SCUBE2: variants seen among roughly 807,000 people sequenced by gnomAD.
The protein encoded by SCUBE2 is signal peptide, CUB domain and EGF like domain containing 2.
In SCUBE2, 114 loss-of-function variants were observed where a neutral mutation model predicts 125.9. The observed-to-expected ratio is 0.91, with a 90% CI of 0.78 to 1.06. The LOEUF (loss-of-function observed/expected upper bound fraction) is 1.06. SCUBE2 is among the 50% of genes least tolerant of loss of function. The pLI, the probability that SCUBE2 is intolerant of heterozygous loss-of-function variation, is 0.00. For missense variants in SCUBE2, 1,255 were observed against 1,301.8 expected, an observed-to-expected ratio of 0.96 and a Z score of 0.55; for synonymous variants, 459 against 492.9, an observed-to-expected ratio of 0.93 and a Z score of 0.91.
intron 17 of SCUBE2, among the ~76,000 whole-genome samples, chr11:9,032,490 T>C (rs957195067): frequency 1.1e-4 from 17 of 152,080 alleles, no homozygotes; most frequent in African/African-American, 4.1e-4. Context: ...TACCAACACT[T>C]TGGGAGGCCG....
intron 4 of SCUBE2, among the ~76,000 whole-genome samples, chr11:9,070,315 A>T (rs1287092891): frequency 6.6e-6 from 1 of 152,206 alleles, no homozygotes; most frequent in Non-Finnish European, 1.5e-5. Flanking sequence ...CTCGGCACAC[A>T]TCTAAATGAG....
At chr11:9,031,048 T>C in intron 17 of SCUBE2, 123 bp from the exon 18 acceptor site, 1 of 828,134 alleles carries the variant, frequency 1.2e-6, no homozygotes, top group Non-Finnish European at 1.9e-6. Context: ...CCCACCTCAG[T>C]CAGAGAGCAC....
chr11:9,048,310 T>C (rs114265062), intron 14 of SCUBE2, among the ~76,000 whole-genome samples: 66 of 152,342 alleles, frequency 4.3e-4, no homozygotes, highest in African/African-American at 1.5e-3. Context: ...CTTTACAATT[T>C]AGCTCTTGAA....
chr11:9,083,296 C>A (rs904181938), intron 2 of SCUBE2, among the ~76,000 whole-genome samples: 4 of 152,036 alleles, frequency 2.6e-5, no homozygotes, highest in Admixed American at 1.3e-4. Flanking sequence ...AAAATATTGA[C>A]CTAAATAACA....
intron 2 of SCUBE2, among the ~76,000 whole-genome samples, 168 bp from the exon 3 acceptor site, chr11:9,079,677 A>G (rs1861478924): frequency 6.6e-6 from 1 of 152,200 alleles, no homozygotes; most frequent in Admixed American, 6.5e-5. Context: ...GTTTCTAATG[A>G]CAAAATACTG....
At chr11:9,062,173 C>T (rs1333211895) in intron 7 of SCUBE2, among the ~76,000 whole-genome samples, 1 of 152,198 alleles carries the variant, frequency 6.6e-6, no homozygotes, top group African/African-American at 2.4e-5. Context: ...ATCCCTCTTC[C>T]CCCAACTCCT....
At chr11:9,079,541 G>C (rs1471720711) in intron 2 of SCUBE2, 32 bp from the exon 3 acceptor site, 1 of 1,605,638 alleles carries the variant, frequency 6.2e-7, no homozygotes, top group African/African-American at 1.3e-5. Flanking sequence ...AACCAGACAG[G>C]TGCTATTTCT....
intron 16 of SCUBE2, among the ~76,000 whole-genome samples, chr11:9,036,364 A>C (rs947432627): frequency 4.6e-5 from 7 of 152,158 alleles, no homozygotes; most frequent in Non-Finnish European, 8.8e-5. Context: ...TCTCATGTAA[A>C]GCTGGGCTGA....
intron 17 of SCUBE2, among the ~76,000 whole-genome samples, chr11:9,033,100 T>C (rs1477777523): frequency 6.6e-6 from 1 of 152,144 alleles, no homozygotes; most frequent in Non-Finnish European, 1.5e-5. Context: ...AGACATTTAA[T>C]AATAAAATAA....
At position 9,027,397 on chromosome 11, in the gene SCUBE2, C is replaced by A; in HGVS notation, c.2668G>T (p.Asp890Tyr). 2 of 1,614,008 alleles carry A rather than the reference C, an allele frequency of 1.2e-6. No individual in the cohort carries two copies. Among genetic ancestry groups the A allele is most frequent in the Non-Finnish European group, 1.7e-6 (2 of 1,179,996 alleles). Residue 890 changes from aspartate (D) to tyrosine (Y), a missense_variant, in exon 20 of 23, where the codon GAC (aspartate) becomes TAC (tyrosine). Transcript: ENST00000649792. ...CGCATCACCAGATAGTCCCCACAGTCGTCCTCTATGGGCAGGAAGATCTCA... is the reference window on the plus strand; with the variant it reads ...CGCATCACCAGATAGTCCCCACAGTAGTCCTCTATGGGCAGGAAGATCTCA... ...VPEIFLPIED[D>Y]CGDYLVMRKT...
At chr11:9,082,490 T>G (rs1716216092) in intron 2 of SCUBE2, among the ~76,000 whole-genome samples, 1 of 152,156 alleles carries the variant, frequency 6.6e-6, no homozygotes, top group Non-Finnish European at 1.5e-5. Context: ...CCAGAAGAAA[T>G]GAAAATTTAT....
At chr11:9,040,709 T>C (rs7112528) in intron 16 of SCUBE2, among the ~76,000 whole-genome samples, 797 of 70,142 alleles carry the variant, frequency 0.011, no homozygotes, top group Middle Eastern at 0.043. Context: ...GGATTCATAT[T>C]CCAGGCAGGA....
chr11:9,084,115 A>G (rs1861873917), intron 2 of SCUBE2, among the ~76,000 whole-genome samples: 1 of 152,142 alleles, frequency 6.6e-6, no homozygotes, highest in Admixed American at 6.5e-5. Context: ...AGGGAGGAGA[A>G]GCTATAAGAT....
At position 9,053,551 on chromosome 11, in the gene SCUBE2, G is replaced by A. The variant is rs983199771; in HGVS notation, c.1330+86C>T. On this transcript the variant is annotated intron_variant, in intron 11 of 22. Transcript: ENST00000649792. ...GGGGAAGTCAGTGGAGGGACGGTCA[G>A]GTGGGATGTGGGAGCACGCAGAGCT... The A allele has an allele frequency of 4.0e-6, 6 of 1,496,806 alleles. No homozygotes were observed. In the African/African-American group the frequency reaches 5.5e-5, roughly 14 times the overall value. 92.7% of individuals were successfully genotyped at this position (1,496,806 alleles called of 1,614,324 possible). A position where few individuals can be genotyped will look rare whatever the true frequency, so the allele number is the denominator to read the frequency against.
At chr11:9,069,334 G>C in intron 5 of SCUBE2, 36 bp downstream of exon 5, 1 of 1,612,116 alleles carries the variant, frequency 6.2e-7, no homozygotes, top group Non-Finnish European at 8.5e-7. Context: ...GGAATACGAC[G>C]GTTCCCATGG....
intron 16 of SCUBE2, among the ~76,000 whole-genome samples, chr11:9,035,894 A>G (rs1287940400): frequency 6.6e-6 from 1 of 152,044 alleles, no homozygotes; most frequent in Non-Finnish European, 1.5e-5. Flanking sequence ...TTTTATATAT[A>G]TAGATTTTTT....
At chr11:9,026,418 T>G (rs927408405) in intron 20 of SCUBE2, 3 of 136,202 alleles carry the variant, frequency 2.2e-5, no homozygotes, top group Non-Finnish European at 4.6e-5. Context: ...TGTGTCATCA[T>G]CATTCTTTGT....
intron 16 of SCUBE2, among the ~76,000 whole-genome samples, chr11:9,041,648 T>C (rs1290615481): frequency 2.0e-5 from 3 of 152,118 alleles, no homozygotes; most frequent in Admixed American, 6.5e-5. Context: ...AAAATGTTTC[T>C]GTGGAGAGGT....
chr11:9,050,620 C>A lies in SCUBE2; in HGVS notation c.1625G>T (p.Arg542Leu), dbSNP rs908441787. The change falls in exon 14 of 23, where the codon CGA becomes CTA. Residue 542 changes from arginine (R) to leucine (L), a missense_variant. By Grantham distance (102) the Arg-to-Leu change is moderately radical (BLOSUM62 -2). This residue lies in a region of SCUBE2 where 378 missense variants were observed against 463.1 expected (regional missense o/e 0.82). Transcript: ENST00000649792. ...TGATTCCATACCTGGTAGTGCTGGT[C>A]GCAGACCCTCGGGAAACAGCTCAGC... ...KNAELFPEGL[R>L]PALPEKHSSV... 2 of 1,613,796 alleles carry A rather than the reference C, an allele frequency of 1.2e-6. No individual in the cohort carries two copies. Among genetic ancestry groups the A allele is most frequent in the South Asian group, 2.2e-5 (2 of 91,062 alleles).
Sources: allele counts gnomAD v4.1 joint callset (sites outside exome capture counted in the v4.1 genomes callset), GRCh38; gene constraint gnomAD v4.1.1; regional missense constraint gnomAD v4.1.1; transcripts MANE v1.5; gene names NCBI Gene and HGNC (gene_info 2026-07-23, HGNC 2026-07-21).